Variants in GPC6 observed in about 807,000 individuals in gnomAD.
The protein encoded by GPC6 is glypican 6.
GPC6 carries 14 observed loss-of-function variants against 55.2 expected under a neutral mutation model. The ratio of observed to expected loss-of-function variants is 0.25; its 90% CI spans 0.17 to 0.40. GPC6 has a LOEUF of 0.40. GPC6 is among the 10% of genes least tolerant of loss of function. The probability of loss-of-function intolerance (pLI) is 1.00; values close to 1 mark genes in which losing one functional copy is unlikely to be tolerated. For synonymous variants in GPC6, 278 were observed against 259.6 expected, an observed-to-expected ratio of 1.07 and a Z score of -0.68; for missense variants, 641 against 708.5, an observed-to-expected ratio of 0.90 and a Z score of 1.08.
chr13:93,762,924 T>C (rs1209462723), intron 2 of GPC6, among the ~76,000 whole-genome samples: 1 of 152,144 alleles, frequency 6.6e-6, no homozygotes, highest in African/African-American at 2.4e-5. Context: ...ATTGCATAAA[T>C]CCTTCAGCTG....
chr13:93,625,308 G>T (rs999145912), intron 2 of GPC6, among the ~76,000 whole-genome samples: 2 of 152,124 alleles, frequency 1.3e-5, no homozygotes, highest in African/African-American at 4.8e-5. Context: ...AAATAGGGAT[G>T]TTCAGTCTGT....
At chr13:93,883,308 C>T (rs1177235825) in intron 3 of GPC6, among the ~76,000 whole-genome samples, 2 of 151,940 alleles carry the variant, frequency 1.3e-5, no homozygotes, top group Non-Finnish European at 2.9e-5. Flanking sequence ...ACAGCCTTTA[C>T]ATCACCAAAT....
chr13:93,463,791 C>A (rs1878801009), intron 1 of GPC6, among the ~76,000 whole-genome samples: 1 of 151,542 alleles, frequency 6.6e-6, no homozygotes, highest in Admixed American at 6.6e-5. Context: ...TCTATCTATC[C>A]TCAAGCACAC....
At chr13:94,118,529 A>T (rs533193883) in intron 4 of GPC6, among the ~76,000 whole-genome samples, 8,517 of 152,060 alleles carry the variant, frequency 0.056, 805 homozygotes, top group African/African-American at 0.2. Context: ...ACTTTTGCCA[A>T]TCCCAAATCA....
At chr13:93,782,756 T>C in intron 2 of GPC6, among the ~76,000 whole-genome samples, 2 of 152,252 alleles carry the variant, frequency 1.3e-5, no homozygotes, top group South Asian at 4.2e-4. Flanking sequence ...AGGTCCTTAG[T>C]TCCATTTTAA....
intron 2 of GPC6, among the ~76,000 whole-genome samples, chr13:93,575,989 C>T (rs1354293185): frequency 2.0e-5 from 3 of 152,018 alleles, no homozygotes; most frequent in Non-Finnish European, 4.4e-5. Context: ...TTCATTGACT[C>T]TATAATAAAC....
intron 1 of GPC6, among the ~76,000 whole-genome samples, chr13:93,444,195 C>CTTTTT (rs10659977): frequency 5.4e-4 from 60 of 110,614 alleles, no homozygotes; most frequent in East Asian, 1.7e-3. Flanking sequence ...TGCAATTCTT[C>CTTTTT]TTTTTTTTTT....
intron 4 of GPC6, among the ~76,000 whole-genome samples, chr13:94,281,315 AT>A (rs1307987774): frequency 1.3e-5 from 2 of 152,106 alleles, no homozygotes; most frequent in Non-Finnish European, 2.9e-5. Flanking sequence ...CTCCACATGC[AT>A]TACGTATTTG....
chr13:93,774,012 T>C (rs1359810582), intron 2 of GPC6, among the ~76,000 whole-genome samples: 1 of 152,202 alleles, frequency 6.6e-6, no homozygotes, highest in Non-Finnish European at 1.5e-5. Flanking sequence ...TTGGCTTAGA[T>C]GCCTCATGCC....
At chr13:93,642,356 G>A (rs1879988124) in intron 2 of GPC6, among the ~76,000 whole-genome samples, 1 of 152,062 alleles carries the variant, frequency 6.6e-6, no homozygotes, top group Admixed American at 6.6e-5. Flanking sequence ...AGTATTCCAG[G>A]TGTATAAGTG....
At chr13:93,813,294 G>A (rs1406414064) in intron 2 of GPC6, among the ~76,000 whole-genome samples, 1 of 152,112 alleles carries the variant, frequency 6.6e-6, no homozygotes, top group Non-Finnish European at 1.5e-5. Context: ...GCAGGTGGAT[G>A]TAATCCCACA....
chr13:94,255,353 A>G (rs529339818), intron 4 of GPC6, among the ~76,000 whole-genome samples: 51 of 152,312 alleles, frequency 3.3e-4, no homozygotes, highest in Non-Finnish European at 7.1e-4. Context: ...TCTTTTATAG[A>G]CCCTTCAGCT....
At chr13:94,120,620 T>C (rs1886598755) in intron 4 of GPC6, among the ~76,000 whole-genome samples, 2 of 152,136 alleles carry the variant, frequency 1.3e-5, no homozygotes, top group South Asian at 4.1e-4. Flanking sequence ...TCTGTTTTGC[T>C]TTGTGAACCA....
intron 2 of GPC6, among the ~76,000 whole-genome samples, chr13:93,627,996 A>G (rs1455255034): frequency 6.6e-6 from 1 of 152,224 alleles, no homozygotes; most frequent in Non-Finnish European, 1.5e-5. Flanking sequence ...TGTTATCTAC[A>G]TTGAGGTTAC....
intron 3 of GPC6, among the ~76,000 whole-genome samples, chr13:93,923,999 G>A (rs957571969): frequency 1.3e-5 from 2 of 152,170 alleles, no homozygotes; most frequent in Non-Finnish European, 2.9e-5. Flanking sequence ...GAATGGTGTA[G>A]CTTGTGAATC....
chr13:93,533,710 A>G (rs563883714), intron 1 of GPC6, among the ~76,000 whole-genome samples: 1 of 152,162 alleles, frequency 6.6e-6, no homozygotes, highest in Admixed American at 6.5e-5. Flanking sequence ...ACCTTGGCGT[A>G]TGGCATGCCT....
chr13:93,387,887 G>A (rs1336203281), intron 1 of GPC6, among the ~76,000 whole-genome samples: 1 of 152,068 alleles, frequency 6.6e-6, no homozygotes, highest in Non-Finnish European at 1.5e-5. Context: ...TTATGTATTT[G>A]TATAAGTTTC....
chr13:93,395,124 C>T, intron 1 of GPC6: 1 of 244,798 alleles, frequency 4.1e-6, no homozygotes. Context: ...CCATCATTAC[C>T]AAATCCATAA....
intron 3 of GPC6, among the ~76,000 whole-genome samples, chr13:94,001,334 A>G (rs145207562): frequency 6.6e-6 from 1 of 152,320 alleles, no homozygotes; most frequent in Non-Finnish European, 1.5e-5. Flanking sequence ...ACATGTCATT[A>G]TGTTAGTTAA....
Sources: allele counts gnomAD v4.1 joint callset (sites outside exome capture counted in the v4.1 genomes callset), GRCh38; gene constraint gnomAD v4.1.1; transcripts MANE v1.5; gene names NCBI Gene and HGNC (gene_info 2026-07-23, HGNC 2026-07-21).